ZNF385D: variants seen among roughly 807,000 people sequenced by gnomAD.
ZNF385D encodes the protein zinc finger protein 659.
A neutral mutation model predicts 35.8 loss-of-function variants in ZNF385D; 15 were observed. The observed-to-expected ratio is 0.42, with a 90% confidence interval of 0.28 to 0.64. The LOEUF is 0.64. ZNF385D is among the 30% of genes least tolerant of loss of function. The probability of loss-of-function intolerance (pLI) is 0.23; values close to 1 mark genes in which losing one functional copy is unlikely to be tolerated. For missense variants in ZNF385D, 474 were observed against 494.6 expected, an observed-to-expected ratio of 0.96 and a Z score of 0.39; for synonymous variants, 212 against 186.8, an observed-to-expected ratio of 1.13 and a Z score of -1.10.
rs55918045 is a variant in ZNF385D at position 21,627,246 on chromosome 3, G to GGTGTGTGTGTGT, written c.165+37628_165+37639dup. 3.0e-3 allele frequency among the ~76,000 whole-genome samples: 416 copies of GGTGTGTGTGTGT among 139,492 alleles called. 2 individuals carry two copies. Among genetic ancestry groups the GGTGTGTGTGTGT allele is most frequent in the South Asian group, 0.018 (75 of 4,190 alleles). 91.5% of individuals were successfully genotyped at this position (139,492 alleles called of 152,430 possible). A position where few individuals can be genotyped will look rare whatever the true frequency, so the allele number is the denominator to read the frequency against. On this transcript the variant is annotated intron_variant, in intron 2 of 7. Coordinates refer to ENST00000281523, the MANE Select transcript of ZNF385D (RefSeq NM_024697.3). ...CTTATGCTGGTTCAAAGAGGTGTAG[G>GGTGTGTGTGTGT]GTGTGTGTGTGTGTGTGTGTGTGTG...
chr3:21,813,008 C>A (rs1241400900), intron 3 of ZNF385D, among the ~76,000 whole-genome samples: 2 of 151,700 alleles, frequency 1.3e-5, no homozygotes, highest in Admixed American at 1.3e-4. Flanking sequence ...CCAGAGGAAG[C>A]ATCAGGCAGC....
chr3:22,233,000 T>C (rs111453315), intron 2 of ZNF385D, among the ~76,000 whole-genome samples: 1 of 152,198 alleles, frequency 6.6e-6, no homozygotes, highest in African/African-American at 2.4e-5. Flanking sequence ...ATTCTAAGTT[T>C]AAATTCCCTA....
intron 3 of ZNF385D, among the ~76,000 whole-genome samples, chr3:22,068,836 G>A (rs1700092996): frequency 6.6e-6 from 1 of 151,990 alleles, no homozygotes; most frequent in Non-Finnish European, 1.5e-5. Context: ...CTAGCAACAA[G>A]TAACATGGGG....
At chr3:21,786,527 C>T (rs2071696781) in intron 3 of ZNF385D, among the ~76,000 whole-genome samples, 1 of 152,142 alleles carries the variant, frequency 6.6e-6, no homozygotes, top group Non-Finnish European at 1.5e-5. Flanking sequence ...TTTTCAGTGC[C>T]CTGAAACCAC....
At chr3:21,677,349 T>C (rs9816269) in intron 1 of ZNF385D, among the ~76,000 whole-genome samples, 8,697 of 152,106 alleles carry the variant, frequency 0.057, 318 homozygotes, top group South Asian at 0.09. Context: ...CTCTTGTGAA[T>C]TGCAGCCTAA....
intron 1 of ZNF385D, among the ~76,000 whole-genome samples, chr3:21,698,240 A>C (rs971185148): frequency 1.1e-4 from 17 of 152,220 alleles, no homozygotes; most frequent in South Asian, 2.1e-4. Flanking sequence ...AATGTGCTCT[A>C]TATATATCAT....
At chr3:21,426,962 T>C (rs149657742) in intron 5 of ZNF385D, among the ~76,000 whole-genome samples, 4 of 152,312 alleles carry the variant, frequency 2.6e-5, no homozygotes, top group African/African-American at 9.6e-5. Flanking sequence ...TTTCCATTCT[T>C]ATTAAAATGT....
chr3:21,984,298 G>T (rs1694681169), intron 3 of ZNF385D, among the ~76,000 whole-genome samples: 1 of 144,830 alleles, frequency 6.9e-6, no homozygotes, highest in African/African-American at 2.8e-5. Context: ...TATGGTTTTA[G>T]GTCTAACGTT....
At chr3:21,965,067 G>C (rs537547690) in intron 3 of ZNF385D, among the ~76,000 whole-genome samples, 1 of 152,090 alleles carries the variant, frequency 6.6e-6, no homozygotes, top group Non-Finnish European at 1.5e-5. Flanking sequence ...AAAGCACAAT[G>C]CCTGGAAGAT....
intron 1 of ZNF385D, among the ~76,000 whole-genome samples, chr3:21,701,079 G>A (rs1165902830): frequency 1.3e-5 from 2 of 152,080 alleles, no homozygotes; most frequent in Non-Finnish European, 2.9e-5. Flanking sequence ...GTATAAGTTG[G>A]GAGGTATTAT....
chr3:21,707,618 T>C (rs908592003), intron 1 of ZNF385D, among the ~76,000 whole-genome samples: 1 of 152,222 alleles, frequency 6.6e-6, no homozygotes, highest in Admixed American at 6.5e-5. Flanking sequence ...CAGCAGTGTA[T>C]GCTAATATGA....
chr3:22,178,860 G>C (rs1239753544), intron 2 of ZNF385D, among the ~76,000 whole-genome samples: 1 of 152,112 alleles, frequency 6.6e-6, no homozygotes, highest in East Asian at 1.9e-4. Context: ...CCCATTTCTT[G>C]TTTTTGCCAG....
At chr3:21,963,924 CTAATAT>C (rs1362327479) in intron 3 of ZNF385D, among the ~76,000 whole-genome samples, 6 of 151,952 alleles carry the variant, frequency 3.9e-5, no homozygotes, top group Non-Finnish European at 7.4e-5. Flanking sequence ...AGAATGGCTA[CTAATAT>C]TAATGTTATT....
At chr3:21,519,749 G>A (rs765263422) in intron 3 of ZNF385D, among the ~76,000 whole-genome samples, 1 of 152,142 alleles carries the variant, frequency 6.6e-6, no homozygotes, top group African/African-American at 2.4e-5. Flanking sequence ...GTACAAAACT[G>A]AGAAAAATCA....
At chr3:22,351,871 T>C (rs189877938) in intron 2 of ZNF385D, among the ~76,000 whole-genome samples, 1 of 152,270 alleles carries the variant, frequency 6.6e-6, no homozygotes, top group East Asian at 1.9e-4. Context: ...AAGCTAGTTT[T>C]CCTCCCAAAT....
chr3:22,027,966 T>C (rs1697672520), intron 3 of ZNF385D, among the ~76,000 whole-genome samples: 1 of 152,162 alleles, frequency 6.6e-6, no homozygotes, highest in Non-Finnish European at 1.5e-5. Flanking sequence ...CCCTGAAGGA[T>C]AGCAGTGAAG....
At chr3:22,204,370 G>C (rs1428844044) in intron 2 of ZNF385D, among the ~76,000 whole-genome samples, 1 of 151,944 alleles carries the variant, frequency 6.6e-6, no homozygotes, top group Non-Finnish European at 1.5e-5. Flanking sequence ...TGAATACCTG[G>C]AAAATCTTTC....
intron 2 of ZNF385D, among the ~76,000 whole-genome samples, chr3:21,595,456 G>A (rs1250405272): frequency 6.7e-6 from 1 of 148,932 alleles, no homozygotes; most frequent in Admixed American, 6.7e-5. Flanking sequence ...TATGTAATAT[G>A]TATATGTAAT....
chr3:21,829,183 A>C (rs982486753), intron 3 of ZNF385D, among the ~76,000 whole-genome samples: 1 of 152,214 alleles, frequency 6.6e-6, no homozygotes, highest in Admixed American at 6.5e-5. Flanking sequence ...TATGTAAACA[A>C]ATTAATTGTA....
Sources: allele counts gnomAD v4.1 joint callset (sites outside exome capture counted in the v4.1 genomes callset), GRCh38; gene constraint gnomAD v4.1.1; transcripts MANE v1.5; gene names NCBI Gene and HGNC (gene_info 2026-07-23, HGNC 2026-07-21).